Variants in MYO9A observed in about 807,000 individuals in gnomAD.
MYO9A encodes myosin IXA.
In MYO9A, 103 loss-of-function variants were observed where a neutral mutation model predicts 293.3. The ratio of observed to expected loss-of-function variants is 0.35; its 90% CI spans 0.30 to 0.41. MYO9A has a LOEUF of 0.41. MYO9A is among the 10% of genes least tolerant of loss of function. MYO9A has a pLI of 1.00. For missense variants in MYO9A, 2,685 were observed against 3,033.0 expected, an observed-to-expected ratio of 0.89 and a Z score of 2.69; for synonymous variants, 1,001 against 1,035.7, an observed-to-expected ratio of 0.97 and a Z score of 0.64.
At chr15:71,972,806 A>G (rs2076046641) in intron 12 of MYO9A, among the ~76,000 whole-genome samples, 1 of 152,200 alleles carries the variant, frequency 6.6e-6, no homozygotes, top group South Asian at 2.1e-4. Context: ...TGGTGTGGCC[A>G]CATGGTCACC....
chr15:71,947,830 A>G (rs2058956519), intron 15 of MYO9A, among the ~76,000 whole-genome samples: 1 of 152,138 alleles, frequency 6.6e-6, no homozygotes. Flanking sequence ...AGGCCAAAAG[A>G]ATGGGTTCAA....
chr15:72,002,527 C>T (rs1032842005), intron 8 of MYO9A, among the ~76,000 whole-genome samples: 1 of 151,616 alleles, frequency 6.6e-6, no homozygotes, highest in Non-Finnish European at 1.5e-5. Context: ...TCTTACACAA[C>T]AACAAAAAAG....
intron 16 of MYO9A, among the ~76,000 whole-genome samples, chr15:71,936,591 T>C (rs1301976302): frequency 1.3e-5 from 2 of 152,128 alleles, no homozygotes; most frequent in Non-Finnish European, 2.9e-5. Flanking sequence ...CATCACACTG[T>C]ACCTGATAAT....
intron 1 of MYO9A, among the ~76,000 whole-genome samples, chr15:72,051,337 C>G (rs2078556645): frequency 6.6e-6 from 1 of 152,162 alleles, no homozygotes; most frequent in Non-Finnish European, 1.5e-5. Context: ...AGGTGGGAAC[C>G]CTGCCACCTT....
At chr15:71,999,527 G>A (rs943262449) in intron 9 of MYO9A, among the ~76,000 whole-genome samples, 1 of 152,062 alleles carries the variant, frequency 6.6e-6, no homozygotes, top group Non-Finnish European at 1.5e-5. Context: ...ACTGTCTCAA[G>A]AAGAATAATT....
At chr15:72,081,898 A>C in intron 1 of MYO9A, among the ~76,000 whole-genome samples, 1 of 151,890 alleles carries the variant, frequency 6.6e-6, no homozygotes, top group Non-Finnish European at 1.5e-5. Flanking sequence ...CTATATGTCT[A>C]TTTTTGTCCC....
chr15:72,111,142 G>A (rs1217652994), intron 1 of MYO9A, among the ~76,000 whole-genome samples: 1 of 148,830 alleles, frequency 6.7e-6, no homozygotes, highest in Non-Finnish European at 1.5e-5. Context: ...CTGGGCAACA[G>A]AGCGAGACTC....
At chr15:71,886,211 AAAAG>A (rs79709615) in intron 27 of MYO9A, among the ~76,000 whole-genome samples, 16 of 151,028 alleles carry the variant, frequency 1.1e-4, no homozygotes, top group African/African-American at 3.9e-4. Flanking sequence ...AAAAAAAAAA[AAAAG>A]AAAGAGGCTG....
intron 1 of MYO9A, among the ~76,000 whole-genome samples, chr15:72,080,689 G>A (rs925486701): frequency 1.8e-4 from 28 of 151,908 alleles, no homozygotes; most frequent in African/African-American, 5.8e-4. Context: ...GGGGTCTGCC[G>A]TACAGATTAT....
chr15:71,968,132 T>TA lies in MYO9A; in HGVS notation c.1845-8dup, dbSNP rs754992889. ...ATTTGTAGCCTGTGGAAAGCTGAAT[T>TA]AAAAAAAAAAGAAAAAATATCATTA... On this transcript the variant is annotated splice_polypyrimidine_tract_variant and splice_region_variant and intron_variant, in intron 12 of 41. Coordinates refer to ENST00000356056, the MANE Select transcript of MYO9A (RefSeq NM_006901.4). 1.9e-3 allele frequency: 2,572 copies of TA among 1,388,440 alleles called. No homozygotes were observed. Among genetic ancestry groups the TA allele is most frequent in the South Asian group, 4.1e-3 (292 of 71,550 alleles). The allele number at this position is 1,388,440 out of a possible 1,614,324, so 86.0% of individuals were successfully genotyped here.
chr15:71,963,376 C>T (rs1454543977), intron 13 of MYO9A, among the ~76,000 whole-genome samples: 1 of 151,314 alleles, frequency 6.6e-6, no homozygotes, highest in East Asian at 2.0e-4. Context: ...TGAGCCACCA[C>T]ACCTGGCTGT....
intron 26 of MYO9A, among the ~76,000 whole-genome samples, chr15:71,889,214 A>C (rs1365332708): frequency 6.6e-6 from 1 of 152,170 alleles, no homozygotes; most frequent in Non-Finnish European, 1.5e-5. Context: ...TTGAGTACTA[A>C]TCAACACTTT....
At chr15:72,099,442 A>AAAG (rs2080188280) in intron 1 of MYO9A, among the ~76,000 whole-genome samples, 2 of 148,708 alleles carry the variant, frequency 1.3e-5, no homozygotes, top group Admixed American at 6.7e-5. Flanking sequence ...AAAAAAAAAA[A>AAAG]GAAAAAAAAA....
intron 19 of MYO9A, among the ~76,000 whole-genome samples, chr15:71,909,424 T>C (rs1239557837): frequency 3.3e-5 from 5 of 152,218 alleles, no homozygotes; most frequent in Non-Finnish European, 7.3e-5. Context: ...GTGTTGTCAT[T>C]GTTTTGGACT....
chr15:71,845,188 A>AAGAC (rs1400352331), intron 39 of MYO9A, among the ~76,000 whole-genome samples: 1 of 152,098 alleles, frequency 6.6e-6, no homozygotes, highest in Non-Finnish European at 1.5e-5. Context: ...TTTTTTTGAA[A>AAGAC]AGACTGGTTG....
intron 1 of MYO9A, among the ~76,000 whole-genome samples, chr15:72,082,714 G>A (rs28796596): frequency 6.6e-5 from 10 of 151,614 alleles, no homozygotes; most frequent in South Asian, 2.1e-4. Context: ...TCAATACCTC[G>A]TTTATTGAGA....
chr15:72,027,859 G>A, intron 3 of MYO9A, 66 bp from the exon 4 acceptor site: 1 of 1,169,506 alleles, frequency 8.6e-7, no homozygotes, highest in Non-Finnish European at 1.2e-6. Flanking sequence ...AAAATATTTG[G>A]AGACAGTGTA....
intron 4 of MYO9A, among the ~76,000 whole-genome samples, chr15:72,021,767 A>C (rs757351917): frequency 2.6e-5 from 4 of 152,154 alleles, no homozygotes; most frequent in Non-Finnish European, 5.9e-5. Flanking sequence ...ACCTCCAGTA[A>C]ATGTCCTGGG....
At position 71,974,657 on chromosome 15, in the gene MYO9A, C is replaced by T. The variant is rs748473; in HGVS notation, c.1844+3514G>A. Among the ~76,000 whole-genome samples, 1,234 of 152,300 alleles carry T rather than the reference C, an allele frequency of 8.1e-3. 18 individuals are homozygous for T. Among genetic ancestry groups the T allele is most frequent in the African/African-American group, 0.029 (1,195 of 41,548 alleles). Reference sequence around the variant, plus strand: ...ATTTTTAAACCTTAAGTCAAAATTCCTAAGGGCATAATGGGGGTGGGTTGT... The same window carrying T: ...ATTTTTAAACCTTAAGTCAAAATTCTTAAGGGCATAATGGGGGTGGGTTGT... On this transcript the variant is annotated intron_variant, in intron 12 of 41. Coordinates refer to ENST00000356056, the MANE Select transcript of MYO9A (RefSeq NM_006901.4).
Sources: allele counts gnomAD v4.1 joint callset (sites outside exome capture counted in the v4.1 genomes callset), GRCh38; gene constraint gnomAD v4.1.1; transcripts MANE v1.5; gene names NCBI Gene and HGNC (gene_info 2026-07-23, HGNC 2026-07-21).